The following WWOX variants were observed in gnomAD, a reference collection of about 807,000 sequenced individuals.
The protein encoded by WWOX is WW domain containing oxidoreductase, also known as WW domain-containing oxidoreductase.
WWOX carries 69 observed loss-of-function variants against 46.2 expected under a neutral mutation model. The ratio of observed to expected loss-of-function variants is 1.49; its 90% CI spans 1.23 to 1.82. WWOX has a LOEUF of 1.82. WWOX is among the 40% of genes most tolerant of loss of function. The pLI, the probability that WWOX is intolerant of heterozygous loss-of-function variation, is 0.00. For synonymous variants in WWOX, 359 were observed against 202.6 expected, an observed-to-expected ratio of 1.77 and a Z score of -6.56; for missense variants, 919 against 542.6, an observed-to-expected ratio of 1.69 and a Z score of -6.89.
At position 79,038,757 on chromosome 16, in the gene WWOX, C is replaced by T. The variant is rs1404709627; in HGVS notation, c.1057-172851C>T. On this transcript the variant is annotated intron_variant, in intron 8 of 8. Transcript: ENST00000566780. ...TAGAGACAGGGTTTCACCATATTGG[C>T]CAGACTGCTCTTGAATTCCTAACTT... Among the ~76,000 whole-genome samples, 3 of 152,130 alleles carry T rather than the reference C, an allele frequency of 2.0e-5. No homozygotes were observed. In the East Asian group the frequency reaches 5.8e-4, roughly 29 times the overall value.
chr16:78,981,388 C>T (rs1478469673), intron 8 of WWOX, among the ~76,000 whole-genome samples: 2 of 151,554 alleles, frequency 1.3e-5, no homozygotes, highest in South Asian at 2.1e-4. Flanking sequence ...ACAATGTGGG[C>T]AGCTGTCCAT....
intron 8 of WWOX, among the ~76,000 whole-genome samples, chr16:78,682,830 C>G (rs557653639): frequency 6.6e-6 from 1 of 152,164 alleles, no homozygotes; most frequent in African/African-American, 2.4e-5. Flanking sequence ...AGGATAATGC[C>G]TTAATGCCTG....
intron 8 of WWOX, among the ~76,000 whole-genome samples, chr16:78,697,259 G>A (rs994774052): frequency 3.3e-5 from 5 of 152,196 alleles, no homozygotes; most frequent in East Asian, 3.9e-4. Context: ...CATAGTGGTT[G>A]TACTAGTTTA....
intron 8 of WWOX, among the ~76,000 whole-genome samples, chr16:79,195,845 A>G (rs1278070874): frequency 6.6e-6 from 1 of 152,232 alleles, no homozygotes; most frequent in East Asian, 1.9e-4. Context: ...GTGAGGAATT[A>G]TAGTTGAAAG....
chr16:79,099,636 A>C (rs1406551262), intron 8 of WWOX, among the ~76,000 whole-genome samples: 1 of 151,980 alleles, frequency 6.6e-6, no homozygotes, highest in African/African-American at 2.4e-5. Flanking sequence ...TAGGAGTTTT[A>C]AATATTGGCA....
chr16:78,251,723 A>G (rs1256299719), intron 5 of WWOX, among the ~76,000 whole-genome samples: 1 of 152,166 alleles, frequency 6.6e-6, no homozygotes, highest in African/African-American at 2.4e-5. Flanking sequence ...ACCTTGTCCA[A>G]CAGCTGATTG....
chr16:78,212,986 C>T (rs1232108276), intron 5 of WWOX, among the ~76,000 whole-genome samples: 4 of 152,010 alleles, frequency 2.6e-5, no homozygotes, highest in Non-Finnish European at 4.4e-5. Context: ...TGGCTGGGCC[C>T]GATGCCTCAC....
intron 8 of WWOX, among the ~76,000 whole-genome samples, chr16:78,719,814 A>G (rs1438146358): frequency 3.3e-5 from 5 of 152,218 alleles, no homozygotes; most frequent in Non-Finnish European, 7.3e-5. Context: ...TATAACAAAC[A>G]CCAATCAAAA....
intron 8 of WWOX, among the ~76,000 whole-genome samples, chr16:78,628,221 G>A (rs866406986): frequency 3.9e-5 from 6 of 152,156 alleles, no homozygotes; most frequent in Admixed American, 1.3e-4. Flanking sequence ...TTGAGTGGAC[G>A]GTTTGGCCAA....
intron 8 of WWOX, among the ~76,000 whole-genome samples, chr16:78,543,330 T>A (rs1038462345): frequency 6.6e-6 from 1 of 152,100 alleles, no homozygotes; most frequent in Non-Finnish European, 1.5e-5. Flanking sequence ...GAATGTCTCA[T>A]CCCCCTGTGG....
intron 5 of WWOX, among the ~76,000 whole-genome samples, chr16:78,283,968 A>G (rs901174180): frequency 2.6e-5 from 4 of 152,240 alleles, no homozygotes; most frequent in Admixed American, 2.6e-4. Flanking sequence ...ACAGTAACCC[A>G]TTAATATCAC....
intron 8 of WWOX, among the ~76,000 whole-genome samples, chr16:78,743,390 C>A (rs531572301): frequency 3.9e-5 from 6 of 152,142 alleles, no homozygotes; most frequent in Non-Finnish European, 8.8e-5. Context: ...GGATCTGCTT[C>A]ATGCTGTATT....
intron 8 of WWOX, among the ~76,000 whole-genome samples, chr16:78,501,557 G>C (rs1255578831): frequency 1.3e-5 from 2 of 149,944 alleles, no homozygotes; most frequent in Non-Finnish European, 3.0e-5. Flanking sequence ...TTTTTTTTGA[G>C]ATGGAGTCTT....
intron 8 of WWOX, among the ~76,000 whole-genome samples, chr16:78,984,826 G>A (rs1274331894): frequency 1.3e-5 from 2 of 152,172 alleles, no homozygotes; most frequent in African/African-American, 4.8e-5. Flanking sequence ...CGTGTGCAGG[G>A]GATGTAACAG....
intron 5 of WWOX, among the ~76,000 whole-genome samples, chr16:78,363,616 C>T (rs968894232): frequency 6.6e-6 from 1 of 152,144 alleles, no homozygotes; most frequent in Admixed American, 6.6e-5. Context: ...AAATCCACAT[C>T]TGAGAGTCCC....
chr16:79,177,931 G>A (rs975714208), intron 8 of WWOX, among the ~76,000 whole-genome samples: 5 of 152,180 alleles, frequency 3.3e-5, no homozygotes, highest in African/African-American at 1.2e-4. Context: ...GGAAGTCCAA[G>A]AGCAAAGCAA....
intron 5 of WWOX, among the ~76,000 whole-genome samples, chr16:78,371,176 A>G (rs1341323804): frequency 6.6e-6 from 1 of 152,172 alleles, no homozygotes; most frequent in Non-Finnish European, 1.5e-5. Context: ...GTTCCTCAGC[A>G]TGAATGTCAT....
intron 5 of WWOX, chr16:78,167,331 A>AC (rs2035006296): frequency 6.6e-6 from 1 of 151,976 alleles, no homozygotes; most frequent in Non-Finnish European, 1.5e-5. Flanking sequence ...GATGTCAAAG[A>AC]CCCACTGTTC....
chr16:79,034,586 G>A (rs1011521645), intron 8 of WWOX, among the ~76,000 whole-genome samples: 2 of 152,028 alleles, frequency 1.3e-5, no homozygotes, highest in East Asian at 3.9e-4. Flanking sequence ...TATTTATTCT[G>A]TTGTGGAGTG....
Sources: gnomAD v4.1 joint callset for allele counts (sites outside exome capture counted in the v4.1 genomes callset) on GRCh38, gnomAD v4.1.1 for gene constraint, MANE v1.5 for transcripts, NCBI Gene and HGNC (gene_info 2026-07-23, HGNC 2026-07-21) for gene names.